Variants in CAST observed in about 807,000 individuals in gnomAD.
CAST encodes the protein calpastatin, also known as MIR583 host.
A neutral mutation model predicts 119.6 loss-of-function variants in CAST; 76 were observed. That is an observed-to-expected ratio of 0.64 (90% CI 0.53 to 0.77). CAST has a LOEUF of 0.77. Ranked by LOEUF, CAST falls within the 30% of genes least tolerant of loss-of-function variation. CAST has a pLI of 0.00. For missense variants in CAST, 953 were observed against 946.5 expected (o/e 1.01, Z -0.09); for synonymous variants, 319 against 331.6 (o/e 0.96, Z 0.41).
the CAST span, among the ~76,000 whole-genome samples, chr5:96,068,476 C>T: frequency 6.6e-6 from 1 of 152,004 alleles, no homozygotes; most frequent in South Asian, 2.1e-4. Context: ...TATTCCCTTC[C>T]AGCTCCATCC....
At chr5:96,699,221 A>G (rs149546756) in intron 3 of CAST, among the ~76,000 whole-genome samples, 139 of 152,350 alleles carry the variant, frequency 9.1e-4, no homozygotes, top group African/African-American at 3.3e-3. Flanking sequence ...TTATTTCTGG[A>G]AGACTTGTCA....
chr5:96,565,192 C>T (rs2150185689), intron 1 of CAST, among the ~76,000 whole-genome samples: 1 of 149,958 alleles, frequency 6.7e-6, no homozygotes, highest in East Asian at 2.0e-4. Flanking sequence ...AAAAAAATAG[C>T]CTCTCCTTAA....
chr5:96,237,930 T>A, the CAST span, among the ~76,000 whole-genome samples: 1 of 152,118 alleles, frequency 6.6e-6, no homozygotes, highest in Non-Finnish European at 1.5e-5. Context: ...TTGGGTTTAC[T>A]TTATCCTCTA....
chr5:96,181,125 C>G, the CAST span, among the ~76,000 whole-genome samples: 1 of 152,126 alleles, frequency 6.6e-6, no homozygotes. Context: ...ATATTCACAA[C>G]AGGAAACATG....
the CAST span, among the ~76,000 whole-genome samples, chr5:96,146,905 T>C: frequency 6.6e-6 from 1 of 152,230 alleles, no homozygotes; most frequent in Non-Finnish European, 1.5e-5. Context: ...ACACTGGCTC[T>C]TAACTGCCTC....
intron 1 of CAST, among the ~76,000 whole-genome samples, chr5:96,565,547 A>G (rs1746451150): frequency 6.6e-6 from 1 of 152,246 alleles, no homozygotes; most frequent in Admixed American, 6.5e-5. Flanking sequence ...ATGCTATTTA[A>G]CATGATCCTT....
intron 3 of CAST, among the ~76,000 whole-genome samples, chr5:96,703,660 C>T (rs544342113): frequency 3.9e-5 from 6 of 152,328 alleles, no homozygotes; most frequent in Admixed American, 3.9e-4. Context: ...AGAGTTTAGA[C>T]AGCTTCCCTA....
the CAST span, among the ~76,000 whole-genome samples, chr5:96,289,124 A>T: frequency 6.6e-6 from 1 of 151,818 alleles, no homozygotes; most frequent in African/African-American, 2.4e-5. Context: ...CCCTTAGAAT[A>T]CTTTGGGCAC....
chr5:96,619,474 G>C (rs1051151547), intron 1 of CAST, among the ~76,000 whole-genome samples: 2 of 152,232 alleles, frequency 1.3e-5, no homozygotes, highest in Non-Finnish European at 2.9e-5. Context: ...GGCCAGATAA[G>C]GGAATAAAAG....
At chr5:96,269,431 C>T in the CAST span, among the ~76,000 whole-genome samples, 3 of 152,286 alleles carry the variant, frequency 2.0e-5, no homozygotes, top group Non-Finnish European at 2.9e-5. Flanking sequence ...CAAAGAAACA[C>T]TGGAGTTAAA....
chr5:96,440,651 G>T, the CAST span, among the ~76,000 whole-genome samples: 1 of 152,138 alleles, frequency 6.6e-6, no homozygotes, highest in Non-Finnish European at 1.5e-5. Context: ...TCTCCAGTCA[G>T]AATTACTCAA....
chr5:96,207,561 T>A, the CAST span, among the ~76,000 whole-genome samples: 2 of 152,112 alleles, frequency 1.3e-5, no homozygotes, highest in African/African-American at 4.8e-5. Flanking sequence ...GAGATGATCA[T>A]GTGGTTTTTG....
At chr5:96,571,976 A>G (rs1430455139) in intron 1 of CAST, among the ~76,000 whole-genome samples, 1 of 152,244 alleles carries the variant, frequency 6.6e-6, no homozygotes, top group East Asian at 1.9e-4. Context: ...AATTAATAGA[A>G]TGAATGAATG....
chr5:96,195,912 C>T, the CAST span, among the ~76,000 whole-genome samples: 25 of 152,084 alleles, frequency 1.6e-4, no homozygotes, highest in African/African-American at 5.8e-4. Context: ...TTTATTGGGT[C>T]CTTTGTTATT....
intron 1 of CAST, among the ~76,000 whole-genome samples, chr5:96,618,904 A>G (rs1486148127): frequency 6.6e-6 from 1 of 152,210 alleles, no homozygotes; most frequent in Non-Finnish European, 1.5e-5. Context: ...AGGATCCACT[A>G]GGTGAAGCCA....
chr5:96,741,649 A>G lies in CAST; in HGVS notation c.1098+69A>G, dbSNP rs1015714967. ...GATCTAGCTCATTCAGGAAACTGCCAGTAGCACATAACCCATGATGAGAAG... is the reference window on the plus strand; with the variant it reads ...GATCTAGCTCATTCAGGAAACTGCCGGTAGCACATAACCCATGATGAGAAG... On this transcript the variant is annotated intron_variant, in intron 15 of 31. Transcript: ENST00000675179. The G allele has an allele frequency of 7.1e-6, 7 of 989,664 alleles. No individual in the cohort carries two copies. In the African/African-American group the frequency reaches 1.1e-4, roughly 16 times the overall value. The allele number at this position is 989,664 out of a possible 1,614,324, so 61.3% of individuals were successfully genotyped here.
chr5:96,265,348 A>G, the CAST span, among the ~76,000 whole-genome samples: 3 of 152,014 alleles, frequency 2.0e-5, no homozygotes, highest in Non-Finnish European at 2.9e-5. Flanking sequence ...ATATGTATAC[A>G]TATGTAGTAA....
chr5:96,563,295 T>C (rs1464035507), intron 1 of CAST, among the ~76,000 whole-genome samples: 5 of 152,222 alleles, frequency 3.3e-5, no homozygotes, highest in East Asian at 1.9e-4. Flanking sequence ...AATACATGTG[T>C]ATTATTTTCT....
chr5:96,429,605 C>T, the CAST span, among the ~76,000 whole-genome samples: 1 of 152,202 alleles, frequency 6.6e-6, no homozygotes, highest in South Asian at 2.1e-4. Flanking sequence ...TTCTCTTCTC[C>T]CACCCTCCAC....
Sources: allele counts gnomAD v4.1 joint callset (sites outside exome capture counted in the v4.1 genomes callset), GRCh38; gene constraint gnomAD v4.1.1; transcripts MANE v1.5; gene names NCBI Gene and HGNC (gene_info 2026-07-23, HGNC 2026-07-21).